TTN: variants seen among roughly 807,000 people sequenced by gnomAD.
TTN encodes the protein titin.
A neutral mutation model predicts 3,223.0 loss-of-function variants in TTN; 1,525 were observed. That is an observed-to-expected ratio of 0.47 (90% CI 0.45 to 0.49). The LOEUF is 0.49. TTN is among the 20% of genes least tolerant of loss of function. The pLI is 0.00. For missense variants in TTN, 40,786 were observed against 43,424.0 expected (o/e 0.94, Z 5.40); for synonymous variants, 14,094 against 15,161.0 (o/e 0.93, Z 5.17).
Position 178,731,035 on chromosome 2 carries a change from A to G in TTN, c.17630T>C (p.Val5877Ala). Reference protein sequence around the residue: ...SKYKISVTDTVSILKIISTEK... With the variant: ...SKYKISVTDTASILKIISTEK... ...TGTAGAAATAATCTTCAGTATTGAG[A>G]CTGTATCAGTGACACTGATTTTATA... Residue 5877 changes from valine to alanine, a missense_variant, in exon 60 of 363, where the codon GTC (valine) becomes GCC (alanine). Val to Ala is a moderately conservative substitution (Grantham distance 64, BLOSUM62 0). Transcript: ENST00000589042. 1 of 1,613,604 alleles carries G rather than the reference A, an allele frequency of 6.2e-7. No individual in the cohort carries two copies. Among genetic ancestry groups the G allele is most frequent in the Non-Finnish European group, 8.5e-7 (1 of 1,179,678 alleles).
chr2:178,723,960 G>A lies in TTN; in HGVS notation c.21299C>T (p.Thr7100Ile). 2 of 1,613,624 alleles carry A rather than the reference G, an allele frequency of 1.2e-6. No homozygotes were observed. The highest frequency in any genetic ancestry group is 1.7e-6 in the Non-Finnish European group (2 of 1,179,626). ...YQTTFSDNVC[T>I]LQLNSLDSSD... is the part of the protein sequence containing the mutation. ...GGAATCCAGAGAATTCAACTGCAAT[G>A]TGCAGACATTATCTGAAAATGTGGT... The change falls in exon 73 of 363, where the codon ACA (threonine) becomes ATA (isoleucine). Residue 7100 changes from threonine (T) to isoleucine (I), a missense_variant. Coordinates refer to ENST00000589042, the MANE Select transcript of TTN (RefSeq NM_001267550.2).
rs758537709 is a variant in TTN at position 178,549,459 on chromosome 2, G to A, written c.92167C>T (p.Pro30723Ser). 9.5e-5 allele frequency: 153 copies of A among 1,604,290 alleles called. No individual in the cohort carries two copies. The highest frequency in any genetic ancestry group is 1.2e-4 in the Non-Finnish European group (139 of 1,173,536). ...ATGTTGCTAGGTTCTGGAATGCCAG[G>A]GGCATCAGGAACAGCTGTAAAACAA... The part of the protein sequence containing the change: ...AQIQYTVPDA[P>S]GIPEPSNITG... Residue 30723 changes from proline (P) to serine (S), a missense_variant, in exon 339 of 363, where the codon CCT (proline) becomes TCT (serine). Pro to Ser is a moderately conservative substitution (Grantham distance 74). Coordinates refer to ENST00000589042, the MANE Select transcript of TTN (RefSeq NM_001267550.2).
chr2:178,551,932 C>G lies in TTN; in HGVS notation c.90968G>C (p.Arg30323Thr), dbSNP rs11887722. ...TGGCTTTCCTGGGGGACCAGGAATCCTGAACTGGTGTTTTGCCACAATAAT... is the reference window on the plus strand; with the variant it reads ...TGGCTTTCCTGGGGGACCAGGAATCGTGAACTGGTGTTTTGCCACAATAAT... ...SSIIVAKHQF[R>T]IPGPPGKPVI... The change falls in exon 335 of 363, where the codon AGG (arginine) becomes ACG (threonine). Residue 30323 changes from arginine to threonine, a missense_variant. By Grantham distance (71) the Arg-to-Thr change is moderately conservative (BLOSUM62 -1). Transcript: ENST00000589042. 2.0e-5 allele frequency: 33 copies of G among 1,613,428 alleles called. No homozygotes were observed. The Admixed American group carries it at 5.3e-4, about 26-fold the overall frequency.
intron 100 of TTN, 91 bp downstream of exon 100, chr2:178,707,435 A>C: frequency 7.1e-7 from 1 of 1,413,586 alleles, no homozygotes; most frequent in East Asian, 2.5e-5. Context: ...ATTTCTAAAA[A>C]TCTAATTCCA....
rs757041441 is a variant in TTN at position 178,576,749 on chromosome 2, A to T, written c.69495T>A (p.Asp23165Glu). The T allele has an allele frequency of 6.2e-7, 1 of 1,613,420 alleles. No homozygotes were observed. Among genetic ancestry groups the T allele is most frequent in the East Asian group, 2.2e-5 (1 of 44,790 alleles). Residue 23165 changes from aspartate (D) to glutamate (E), a missense_variant, in exon 325 of 363, where the codon GAT becomes GAA. Coordinates refer to ENST00000589042, the MANE Select transcript of TTN (RefSeq NM_001267550.2). The surrounding 1 kb of genome is among the most constrained non-coding windows in gnomAD (Gnocchi z 4.3). ...TATVSWKRPV[D>E]DGGSEITGYH... ...ATCCTGTAATTTCGCTGCCACCATC[A>T]TCCACTGGCCTTTTCCAGCTGACAG... is the stretch of plus-strand genomic sequence containing the variant.
chr2:178,566,090 A>C lies in TTN; in HGVS notation c.80042T>G (p.Leu26681Arg). ...SKSAFVTVKV[L>R]DTPGPPQNLA... The stretch of plus-strand genomic sequence containing the variant: ...ATTCTGTGGTGGTCCTGGAGTGTCA[A>C]GAACTTTCACAGTTACAAAAGCAGA... The change falls in exon 326 of 363, where the codon CTT (leucine) becomes CGT (arginine). Residue 26681 changes from leucine (L) to arginine (R), a missense_variant. Transcript: ENST00000589042. 6.2e-7 allele frequency: 1 copy of C among 1,613,688 alleles called. No individual in the cohort carries two copies.
In TTN at chr2:178,731,386, C is replaced by T. The variant is rs879167621; in HGVS notation, c.17380G>A (p.Val5794Ile). 1.2e-6 allele frequency: 2 copies of T among 1,613,700 alleles called. No individual in the cohort carries two copies. Among genetic ancestry groups the T allele is most frequent in the African/African-American group, 2.7e-5 (2 of 74,896 alleles). Residue 5794 changes from valine (V) to isoleucine (I), a missense_variant, in exon 59 of 363, where the codon GTC becomes ATC. Val to Ile is a conservative substitution (Grantham distance 29). Transcript: ENST00000589042. ...VASLYLSGIE[V>I]KHDGKYVCQA... ...CAGACATATTTCCCATCATGCTTGA[C>T]TTCAATGCCACTGAGGTACAAACTG...
intron 57 of TTN, 33 bp from the exon 58 acceptor site, chr2:178,732,004 G>C (rs200772782): frequency 1.1e-5 from 17 of 1,592,164 alleles, no homozygotes; most frequent in Non-Finnish European, 1.4e-5. Flanking sequence ...TGCATTAAGG[G>C]AGGAGGGGTC....
intron 47 of TTN, chr2:178,747,569 G>A: frequency 1.2e-6 from 2 of 1,613,264 alleles, no homozygotes; most frequent in Non-Finnish European, 1.7e-6. Context: ...AGTGTTGAAA[G>A]TTACTTCTTC....
rs373713828 is a variant in TTN at position 178,584,781 on chromosome 2, C to T, written c.64860G>A (p.Arg21620=). ...ALASVTKTSC[R]VGKLIPGQEY... ...CCTGGCCTGGGATCAGCTTTCCAAC[C>T]CTGCAGGAAGTTTTTGTGACTGAAG... Residue 21620 remains arginine, a synonymous_variant, in exon 310 of 363, where the codon AGG becomes AGA. Transcript: ENST00000589042. The T allele has an allele frequency of 2.2e-5, 36 of 1,613,330 alleles. No homozygotes were observed. Among genetic ancestry groups the T allele is most frequent in the Non-Finnish European group, 8.5e-7 (1 of 1,179,570 alleles).
At position 178,611,425 on chromosome 2, in the gene TTN, C is replaced by A. The variant is rs2056305548; in HGVS notation, c.50804G>T (p.Gly16935Val). The change falls in exon 269 of 363, where the codon GGT (glycine) becomes GTT (valine). Residue 16935 changes from glycine (G) to valine (V), a missense_variant. By Grantham distance (109) the Gly-to-Val change is moderately radical. Coordinates refer to ENST00000589042, the MANE Select transcript of TTN (RefSeq NM_001267550.2). ...AGAGATTTCAGATGGCTCGCTGACA[C>A]CAATAGCATTGACTGCTCTCACTCT... Reference protein sequence around the residue: ...VLRVRAVNAIGVSEPSEISEN... With the variant: ...VLRVRAVNAIVVSEPSEISEN... The A allele has an allele frequency of 6.2e-7, 1 of 1,612,774 alleles. No individual in the cohort carries two copies. Among genetic ancestry groups the A allele is most frequent in the African/African-American group, 1.3e-5 (1 of 74,844 alleles).
At chr2:178,746,760 C>A in intron 47 of TTN, 1 of 1,613,442 alleles carries the variant, frequency 6.2e-7, no homozygotes, top group Admixed American at 1.7e-5. Flanking sequence ...TACCATTTCA[C>A]ACCAGGAACT....
Position 178,571,505 on chromosome 2 carries a change from C to G in TTN, c.74627G>C (p.Gly24876Ala). The change falls in exon 326 of 363, where the codon GGA becomes GCA. Residue 24876 changes from glycine to alanine, a missense_variant. By Grantham distance (60) the Gly-to-Ala change is moderately conservative. Transcript: ENST00000589042. The stretch of plus-strand genomic sequence containing the variant: ...TGCAATTCTAAACTGATATTCACAT[C>G]CAGTCTTCAGTCTGCAAGCCTTTAT... Reference protein sequence around the residue: ...TTIKACRLKTGCEYQFRIAAE... With the variant: ...TTIKACRLKTACEYQFRIAAE... 6.2e-7 allele frequency: 1 copy of G among 1,613,320 alleles called. No homozygotes were observed. The highest frequency in any genetic ancestry group is 1.1e-5 in the South Asian group (1 of 91,056).
rs766675813 is a variant in TTN at position 178,615,401 on chromosome 2, C to A, written c.48544G>T (p.Asp16182Tyr). The change falls in exon 259 of 363, where the codon GAT (aspartate) becomes TAT (tyrosine). Residue 16182 changes from aspartate (D) to tyrosine (Y), a missense_variant. Physicochemically the swap from Asp to Tyr is radical, Grantham distance 160 (BLOSUM62 -3). Coordinates refer to ENST00000589042, the MANE Select transcript of TTN (RefSeq NM_001267550.2). ...TATCCTTTGATGCGTGAACCACCAT[C>A]ATTTTTAGGTGGATCCCATGTTAAG... Reference protein sequence around the residue: ...IFLTWDPPKNDGGSRIKGYIV... With the variant: ...IFLTWDPPKNYGGSRIKGYIV... The A allele has an allele frequency of 6.2e-7, 1 of 1,612,660 alleles. No individual in the cohort carries two copies. Among genetic ancestry groups the A allele is most frequent in the East Asian group, 2.2e-5 (1 of 44,760 alleles).
intron 247 of TTN, 26 bp from the exon 248 acceptor site, chr2:178,620,651 GATTTTA>G (rs747134091): frequency 6.3e-5 from 101 of 1,600,738 alleles, no homozygotes; most frequent in Admixed American, 1.8e-4. Flanking sequence ...AAAATATGTT[GATTTTA>G]ATTATTTTTA....
rs764002054 is a variant in TTN, at chr2:178,601,456, T to C, written c.55541A>G (p.Tyr18514Cys). The C allele has an allele frequency of 6.2e-7, 1 of 1,612,822 alleles. No homozygotes were observed. The highest frequency in any genetic ancestry group is 1.3e-5 in the African/African-American group (1 of 74,836). ...DDDGGDRIKG[Y>C]VIEKRTIDGK... ...ATCAATAGTCCTCTTCTCAATAACA[T>C]AGCCTTTGATCCTGTCTCCTCCATC... Residue 18514 changes from tyrosine to cysteine, a missense_variant, in exon 287 of 363, where the codon TAT becomes TGT. Coordinates refer to ENST00000589042, the MANE Select transcript of TTN (RefSeq NM_001267550.2).
rs1174010742 is a variant in TTN, at chr2:178,634,752, G to A, written c.42122C>T (p.Ala14041Val). Residue 14041 changes from alanine to valine, a missense_variant, in exon 229 of 363, where the codon GCA (alanine) becomes GTA (valine). Ala to Val is a moderately conservative substitution (Grantham distance 64, BLOSUM62 0). Coordinates refer to ENST00000589042, the MANE Select transcript of TTN (RefSeq NM_001267550.2). The surrounding 1 kb of genome is among the most constrained non-coding windows in gnomAD (Gnocchi z 4.6). ...AGEVLYQALN[A>V]ITTAILTVKE... The stretch of plus-strand genomic sequence containing the variant: ...TACTGTCAAAATGGCAGTTGTAATT[G>A]CATTAAGGGCCTGGTAGAGGACTTC... 2 of 1,613,108 alleles carry A rather than the reference G, an allele frequency of 1.2e-6. No homozygotes were observed. The highest frequency in any genetic ancestry group is 1.1e-5 in the South Asian group (1 of 91,026).
chr2:178,759,521 A>C (rs1211407076), intron 43 of TTN, among the ~76,000 whole-genome samples: 1 of 152,226 alleles, frequency 6.6e-6, no homozygotes, highest in African/African-American at 2.4e-5. Context: ...AGACAGTCCT[A>C]AGAAGAGTCA....
intron 250 of TTN, chr2:178,619,089 C>T: frequency 1.8e-6 from 1 of 566,458 alleles, no homozygotes. Flanking sequence ...ATAAGACATG[C>T]ATTCCTTGCC....
Sources: gnomAD v4.1 joint callset for allele counts (sites outside exome capture counted in the v4.1 genomes callset) on GRCh38, gnomAD v4.1.1 for gene constraint, Gnocchi (gnomAD v3.1) non-coding constraint, MANE v1.5 for transcripts, NCBI Gene and HGNC (gene_info 2026-07-23, HGNC 2026-07-21) for gene names.